Variants in LRFN5 observed in about 807,000 individuals in gnomAD.
The protein encoded by LRFN5 is leucine rich repeat and fibronectin type III domain containing 5, also known as leucine-rich repeat and fibronectin type-III domain-containing protein 5.
LRFN5 carries 24 observed loss-of-function variants against 45.6 expected under a neutral mutation model. The observed-to-expected ratio is 0.53, with a 90% CI of 0.38 to 0.74. The LOEUF (loss-of-function observed/expected upper bound fraction) is 0.74. LRFN5 is among the 30% of genes least tolerant of loss of function. LRFN5 has a pLI of 0.00. For missense variants in LRFN5, 776 were observed against 861.5 expected (o/e 0.90, Z 1.24); for synonymous variants, 340 against 313.8 (o/e 1.08, Z -0.88).
chr14:41,661,621 T>C (rs1454864083), intron 1 of LRFN5, among the ~76,000 whole-genome samples: 3 of 152,062 alleles, frequency 2.0e-5, no homozygotes, highest in Non-Finnish European at 4.4e-5. Context: ...AGAAGCCCGC[T>C]GATTAGCAGT....
In LRFN5 at chr14:41,819,213, A is replaced by G. The variant is rs1027292919; in HGVS notation, c.-21+52184A>G. ...ATACCAGTGCAGGTGTCACTTTTAT[A>G]TGATTATTGATTTTCCCTTGGGTAG... On this transcript the variant is annotated intron_variant, in intron 2 of 5. Transcript: ENST00000298119. Among the ~76,000 whole-genome samples the G allele has an allele frequency of 5.3e-5, 8 of 152,242 alleles. No individual in the cohort carries two copies. In the East Asian group the frequency reaches 7.7e-4, roughly 15 times the overall value.
At chr14:41,883,396 CTGT>C (rs879377036) in intron 2 of LRFN5, among the ~76,000 whole-genome samples, 20 of 152,030 alleles carry the variant, frequency 1.3e-4, no homozygotes, top group Non-Finnish European at 2.8e-4. Context: ...TGTATCATTT[CTGT>C]TGTTCTTTAG....
At chr14:41,628,080 C>T (rs747439841) in intron 1 of LRFN5, among the ~76,000 whole-genome samples, 7 of 152,094 alleles carry the variant, frequency 4.6e-5, no homozygotes, top group Admixed American at 1.3e-4. Context: ...TTCACAACTG[C>T]TTCTGTAATA....
At chr14:41,796,022 C>T (rs1411187224) in intron 2 of LRFN5, among the ~76,000 whole-genome samples, 4 of 151,840 alleles carry the variant, frequency 2.6e-5, no homozygotes, top group Admixed American at 2.0e-4. Flanking sequence ...ACAAATAATA[C>T]ATAATTTTAT....
intron 2 of LRFN5, among the ~76,000 whole-genome samples, chr14:41,779,130 T>G (rs1418783011): frequency 1.3e-5 from 2 of 151,792 alleles, no homozygotes; most frequent in Non-Finnish European, 1.5e-5. Context: ...ATATTAGCTG[T>G]AGGTATTTGG....
At chr14:41,674,385 C>A (rs1304007102) in intron 1 of LRFN5, among the ~76,000 whole-genome samples, 3 of 140,304 alleles carry the variant, frequency 2.1e-5, no homozygotes, top group Admixed American at 6.8e-5. Flanking sequence ...GGGCTGACCC[C>A]CCCACCTCCC....
At chr14:41,619,559 G>A (rs1028447004) in intron 1 of LRFN5, among the ~76,000 whole-genome samples, 1 of 151,842 alleles carries the variant, frequency 6.6e-6, no homozygotes, top group African/African-American at 2.4e-5. Context: ...GGATTATGTT[G>A]AATATAAAAT....
chr14:41,735,939 T>C (rs769100232), intron 1 of LRFN5, among the ~76,000 whole-genome samples: 1 of 152,182 alleles, frequency 6.6e-6, no homozygotes, highest in Non-Finnish European at 1.5e-5. Flanking sequence ...ATGAATTCAT[T>C]CTTTTTTATG....
chr14:41,848,181 A>T (rs1022587731), intron 2 of LRFN5, among the ~76,000 whole-genome samples: 1 of 152,104 alleles, frequency 6.6e-6, no homozygotes, highest in African/African-American at 2.4e-5. Context: ...ATAGCACCAT[A>T]ATACAAATAT....
At chr14:41,633,313 T>C (rs1471456201) in intron 1 of LRFN5, among the ~76,000 whole-genome samples, 2 of 152,174 alleles carry the variant, frequency 1.3e-5, no homozygotes, top group Non-Finnish European at 2.9e-5. Flanking sequence ...CAATTCAGAA[T>C]GTTAAAAAAT....
chr14:41,712,916 A>C (rs149066957), intron 1 of LRFN5, among the ~76,000 whole-genome samples: 83 of 152,260 alleles, frequency 5.5e-4, no homozygotes, highest in African/African-American at 1.8e-3. Context: ...TACTCCACAA[A>C]TATATGTAAT....
At chr14:41,875,943 A>G (rs1261436157) in intron 2 of LRFN5, among the ~76,000 whole-genome samples, 1 of 152,146 alleles carries the variant, frequency 6.6e-6, no homozygotes, top group African/African-American at 2.4e-5. Flanking sequence ...GGCCTCCCTC[A>G]CAAATTGCTC....
At chr14:41,871,072 G>C (rs1890003125) in intron 2 of LRFN5, among the ~76,000 whole-genome samples, 1 of 151,672 alleles carries the variant, frequency 6.6e-6, no homozygotes, top group East Asian at 1.9e-4. Flanking sequence ...TTCTCAGCTA[G>C]AAATAAGTGC....
At position 41,891,370 on chromosome 14, in the gene LRFN5, C is replaced by G. The variant is rs780679032; in HGVS notation, c.1506C>G (p.Val502=). Residue 502 remains valine, a synonymous_variant, in exon 4 of 6, where the codon GTC becomes GTG. Transcript: ENST00000298119. ...DGITSLTATR[V]VGCIQFTTEQ... ...TCACTTCCCTCACTGCCACAAGAGTCGTGGGTTGCATCCAGTTTACTACGG... is the reference window on the plus strand; with the variant it reads ...TCACTTCCCTCACTGCCACAAGAGTGGTGGGTTGCATCCAGTTTACTACGG... 6.2e-7 allele frequency: 1 copy of G among 1,614,026 alleles called. No homozygotes were observed. The highest frequency in any genetic ancestry group is 2.2e-5 in the East Asian group (1 of 44,864).
chr14:41,904,134 C>CT (rs746834396), intron 5 of LRFN5, 24 bp from the exon 6 acceptor site: 3 of 1,553,086 alleles, frequency 1.9e-6, no homozygotes, highest in East Asian at 2.3e-5. Flanking sequence ...TCTTTTTTTC[C>CT]TTTTTCTTTT....
intron 2 of LRFN5, among the ~76,000 whole-genome samples, chr14:41,804,494 G>A (rs1450361538): frequency 1.3e-5 from 2 of 152,096 alleles, no homozygotes; most frequent in African/African-American, 4.8e-5. Flanking sequence ...CCGGAATAAT[G>A]ACTGGTAATC....
intron 2 of LRFN5, among the ~76,000 whole-genome samples, chr14:41,861,994 T>C (rs4904915): frequency 0.8 from 122,156 of 151,972 alleles, 49,333 homozygotes; most frequent in East Asian, 0.97. Flanking sequence ...CCATGCTGTT[T>C]TCACGAGATC....
chr14:41,643,726 C>A (rs912896633), intron 1 of LRFN5, among the ~76,000 whole-genome samples: 1 of 152,108 alleles, frequency 6.6e-6, no homozygotes, highest in Non-Finnish European at 1.5e-5. Flanking sequence ...CACACACACA[C>A]ACACACTGAC....
In LRFN5 at chr14:41,785,935, A is replaced by G. The variant is rs1594707707; in HGVS notation, c.-21+18906A>G. On this transcript the variant is annotated intron_variant, in intron 2 of 5. Transcript: ENST00000298119. ...TGATGCAGAGCAGCTGTAAATAAAC[A>G]TGAAGCTTTGCTAGCTTGCCCACTG... Among the ~76,000 whole-genome samples, 3 of 152,310 alleles carry G rather than the reference A, an allele frequency of 2.0e-5. No homozygotes were observed. The Middle Eastern group carries it at 0.01, about 518-fold the overall frequency.
Sources: allele counts gnomAD v4.1 joint callset (sites outside exome capture counted in the v4.1 genomes callset), GRCh38; gene constraint gnomAD v4.1.1; transcripts MANE v1.5; gene names NCBI Gene and HGNC (gene_info 2026-07-23, HGNC 2026-07-21).